The following ZRANB3 variants were observed in gnomAD, a reference collection of about 807,000 sequenced individuals.
ZRANB3 encodes the protein DNA annealing helicase and endonuclease ZRANB3.
Under a neutral mutation model 133.8 loss-of-function variants are expected in ZRANB3, and 125 were observed. The observed-to-expected ratio is 0.93, with a 90% CI of 0.81 to 1.08. The LOEUF (loss-of-function observed/expected upper bound fraction) is 1.08, where lower values mean the gene tolerates loss of function less well. ZRANB3 is among the 50% of genes least tolerant of loss of function. ZRANB3 has a pLI of 0.00. For missense variants in ZRANB3, 1,229 were observed against 1,275.5 expected (o/e 0.96, Z 0.56); for synonymous variants, 387 against 432.7 (o/e 0.89, Z 1.31).
chr2:135,397,307 G>T (rs976155300), intron 2 of ZRANB3, among the ~76,000 whole-genome samples: 1 of 151,894 alleles, frequency 6.6e-6, no homozygotes, highest in Admixed American at 6.6e-5. Flanking sequence ...AACTAGGCAG[G>T]TGTGGTGGTG....
At chr2:135,265,873 C>A (rs1000292147) in intron 11 of ZRANB3, among the ~76,000 whole-genome samples, 187 bp from the exon 12 acceptor site, 3 of 152,136 alleles carry the variant, frequency 2.0e-5, no homozygotes, top group Admixed American at 6.5e-5. Context: ...GCCTCCCAAC[C>A]AACTTAATGG....
chr2:135,324,113 G>C (rs1454908774), intron 6 of ZRANB3, among the ~76,000 whole-genome samples: 1 of 151,636 alleles, frequency 6.6e-6, no homozygotes, highest in Non-Finnish European at 1.5e-5. Flanking sequence ...TAAGTTCTAG[G>C]GTACATGTGC....
chr2:135,239,355 C>T (rs1464954613), intron 12 of ZRANB3, among the ~76,000 whole-genome samples: 2 of 150,366 alleles, frequency 1.3e-5, no homozygotes, highest in East Asian at 3.9e-4. Context: ...AATGTAATGA[C>T]ACTAACTGTA....
intron 2 of ZRANB3, among the ~76,000 whole-genome samples, chr2:135,440,208 T>C (rs1462930357): frequency 1.3e-5 from 2 of 152,188 alleles, no homozygotes; most frequent in African/African-American, 4.8e-5. Context: ...CTAGTTATTT[T>C]GTTTTCCTGA....
At chr2:135,524,382 T>C (rs1694067278) in intron 1 of ZRANB3, among the ~76,000 whole-genome samples, 2 of 152,036 alleles carry the variant, frequency 1.3e-5, no homozygotes, top group East Asian at 1.9e-4. Flanking sequence ...GCGACCATCC[T>C]GTAGAATTCT....
At chr2:135,413,215 T>C (rs1688389604) in intron 2 of ZRANB3, among the ~76,000 whole-genome samples, 1 of 152,190 alleles carries the variant, frequency 6.6e-6, no homozygotes, top group Non-Finnish European at 1.5e-5. Flanking sequence ...GGATATGATG[T>C]CTAGAGCTGC....
chr2:135,297,983 C>T (rs539620407), intron 8 of ZRANB3, among the ~76,000 whole-genome samples: 1 of 152,236 alleles, frequency 6.6e-6, no homozygotes, highest in African/African-American at 2.4e-5. Context: ...AATCCCAGCC[C>T]TTTACAGAGC....
intron 3 of ZRANB3, among the ~76,000 whole-genome samples, chr2:135,375,640 G>C (rs1162327263): frequency 6.6e-6 from 1 of 151,542 alleles, no homozygotes; most frequent in African/African-American, 2.4e-5. Context: ...AGCCGAGATT[G>C]TGCCACTGCA....
At chr2:135,519,166 C>A (rs1325907501) in intron 1 of ZRANB3, among the ~76,000 whole-genome samples, 1 of 152,074 alleles carries the variant, frequency 6.6e-6, no homozygotes, top group Non-Finnish European at 1.5e-5. Context: ...CATGAGGGAT[C>A]CTCCTGGGAT....
chr2:135,529,183 A>C (rs1000379548), intron 1 of ZRANB3, among the ~76,000 whole-genome samples: 1 of 152,260 alleles, frequency 6.6e-6, no homozygotes, highest in Non-Finnish European at 1.5e-5. Flanking sequence ...AAACTGAATT[A>C]GAATTTATCT....
intron 12 of ZRANB3, among the ~76,000 whole-genome samples, chr2:135,244,140 TAAAAC>T (rs1183744991): frequency 4.6e-5 from 7 of 150,992 alleles, no homozygotes; most frequent in Non-Finnish European, 1.0e-4. Context: ...CAACATTTGT[TAAAAC>T]AAAAGGAATC....
At chr2:135,523,246 G>C (rs898222836) in intron 1 of ZRANB3, among the ~76,000 whole-genome samples, 2 of 152,104 alleles carry the variant, frequency 1.3e-5, no homozygotes, top group African/African-American at 4.8e-5. Context: ...AAATATTAAT[G>C]TATCTCAAGT....
At chr2:135,462,395 C>T (rs528753001) in intron 2 of ZRANB3, among the ~76,000 whole-genome samples, 3 of 152,298 alleles carry the variant, frequency 2.0e-5, no homozygotes, top group African/African-American at 7.2e-5. Flanking sequence ...AAAGAGTAGA[C>T]ATATATAAGC....
At chr2:135,397,830 G>A (rs913072846) in intron 2 of ZRANB3, among the ~76,000 whole-genome samples, 5 of 151,992 alleles carry the variant, frequency 3.3e-5, no homozygotes, top group Non-Finnish European at 7.4e-5. Flanking sequence ...TAGATCAAGA[G>A]GAAAGCTGAA....
At chr2:135,376,685 C>G (rs1171699171) in intron 3 of ZRANB3, among the ~76,000 whole-genome samples, 1 of 152,040 alleles carries the variant, frequency 6.6e-6, no homozygotes, top group Non-Finnish European at 1.5e-5. Flanking sequence ...GGGTTCAGCC[C>G]TGGGGGAAAT....
intron 2 of ZRANB3, among the ~76,000 whole-genome samples, chr2:135,463,503 C>T (rs1048313103): frequency 4.6e-5 from 7 of 151,744 alleles, no homozygotes; most frequent in African/African-American, 1.7e-4. Flanking sequence ...CTGCAACCTC[C>T]GCCTCCCAGG....
intron 3 of ZRANB3, among the ~76,000 whole-genome samples, chr2:135,354,638 C>G (rs1207455323): frequency 6.6e-6 from 1 of 152,188 alleles, no homozygotes; most frequent in Non-Finnish European, 1.5e-5. Flanking sequence ...ATGAATACAT[C>G]TAAAACGCAT....
intron 8 of ZRANB3, among the ~76,000 whole-genome samples, chr2:135,285,120 C>T (rs1289806506): frequency 1.3e-5 from 2 of 152,210 alleles, no homozygotes; most frequent in African/African-American, 2.4e-5. Flanking sequence ...GCTGGGATTA[C>T]AGGCATGAGC....
intron 10 of ZRANB3, among the ~76,000 whole-genome samples, chr2:135,270,313 A>G (rs1388132561): frequency 6.6e-6 from 1 of 152,204 alleles, no homozygotes; most frequent in Non-Finnish European, 1.5e-5. Flanking sequence ...CAAGATCAAT[A>G]CCACTCTAAG....
Sources: allele counts gnomAD v4.1 joint callset (sites outside exome capture counted in the v4.1 genomes callset), GRCh38; gene constraint gnomAD v4.1.1; transcripts MANE v1.5; gene names NCBI Gene and HGNC (gene_info 2026-07-23, HGNC 2026-07-21).